PCDHA2: variants seen among roughly 807,000 people sequenced by gnomAD.
PCDHA2 encodes protocadherin alpha 2.
A neutral mutation model predicts 66.0 loss-of-function variants in PCDHA2; 58 were observed. That is an observed-to-expected ratio of 0.88 (90% CI 0.71 to 1.09). PCDHA2 has a LOEUF of 1.09. Among genes scored for constraint, PCDHA2 ranks in the 50% least tolerant of loss-of-function variants. The probability of loss-of-function intolerance (pLI) is 0.00; values close to 1 mark genes in which losing one functional copy is unlikely to be tolerated. For synonymous variants in PCDHA2, 634 were observed against 554.0 expected, an observed-to-expected ratio of 1.14 and a Z score of -2.03; for missense variants, 1,267 against 1,242.3, an observed-to-expected ratio of 1.02 and a Z score of -0.30.
chr5:140,934,236 T>C (rs532427064), intron 1 of PCDHA2, among the ~76,000 whole-genome samples: 1 of 152,290 alleles, frequency 6.6e-6, no homozygotes, highest in South Asian at 2.1e-4. Context: ...TTGTACTTAA[T>C]TGTGGAGATT....
chr5:140,966,410 A>G lies in PCDHA2; in HGVS notation c.2389-12539A>G, dbSNP rs530944149. The G allele has an allele frequency of 1.9e-3, 807 of 419,248 alleles. 2 individuals carry two copies. Among genetic ancestry groups the G allele is most frequent in the South Asian group, 7.3e-3 (70 of 9,536 alleles). The allele number at this position is 419,248 out of a possible 1,614,324, so 26.0% of individuals were successfully genotyped here. The stretch of plus-strand genomic sequence containing the variant: ...GTCCGCCACTTCGGCGCGGAATCAG[A>G]GCAGGACTTGCTGAGCCCTCCTACC... On this transcript the variant is annotated intron_variant, in intron 1 of 3. Coordinates refer to ENST00000526136, the MANE Select transcript of PCDHA2 (RefSeq NM_018905.3).
intron 1 of PCDHA2, chr5:140,871,328 G>A (rs374687707): frequency 6.2e-7 from 1 of 1,614,128 alleles, no homozygotes; most frequent in Admixed American, 1.7e-5. Flanking sequence ...GTGTGCTCCC[G>A]CGCGGTGGGG....
chr5:140,829,246 G>T (rs2150164613), intron 1 of PCDHA2: 1 of 1,614,268 alleles, frequency 6.2e-7, no homozygotes, highest in Admixed American at 1.7e-5. Flanking sequence ...ACGGGCAGGT[G>T]AACTGCTCGC....
intron 1 of PCDHA2, chr5:140,876,201 T>C: frequency 1.9e-6 from 3 of 1,613,952 alleles, no homozygotes; most frequent in Non-Finnish European, 1.7e-6. Flanking sequence ...CGGCGTTTGA[T>C]AAGCCCAGCT....
chr5:140,807,818 G>A, intron 1 of PCDHA2: 1 of 1,614,106 alleles, frequency 6.2e-7, no homozygotes, highest in Non-Finnish European at 8.5e-7. Context: ...GATTTTTTTA[G>A]TGCTCACAGC....
chr5:140,800,458 T>A lies in PCDHA2; in HGVS notation c.2388+3106T>A, dbSNP rs138589770. ...CTGTAATAACATAAAAGTAGATATA[T>A]GTATGTTTTAATATATACAGCACAC... On this transcript the variant is annotated intron_variant, in intron 1 of 3. Coordinates refer to ENST00000526136, the MANE Select transcript of PCDHA2 (RefSeq NM_018905.3). 2.9e-4 allele frequency among the ~76,000 whole-genome samples: 44 copies of A among 152,284 alleles called. 1 individual carries two copies. In the East Asian group the frequency reaches 8.3e-3, roughly 29 times the overall value.
chr5:141,000,603 T>C (rs1237883625), intron 3 of PCDHA2, among the ~76,000 whole-genome samples: 1 of 150,986 alleles, frequency 6.6e-6, no homozygotes, highest in Admixed American at 6.6e-5. Flanking sequence ...AATTTTTGTA[T>C]TTTTAGTAGA....
intron 1 of PCDHA2, among the ~76,000 whole-genome samples, chr5:140,880,929 A>T (rs2058535682): frequency 6.6e-6 from 1 of 152,232 alleles, no homozygotes; most frequent in African/African-American, 2.4e-5. Flanking sequence ...TATGTTAGTA[A>T]AAGTAATGGA....
intron 1 of PCDHA2, chr5:140,871,553 G>T (rs1390415919): frequency 6.7e-7 from 1 of 1,491,208 alleles, no homozygotes; most frequent in East Asian, 2.5e-5. Context: ...TTAAAATCCA[G>T]TTTTTTTTCA....
intron 1 of PCDHA2, among the ~76,000 whole-genome samples, chr5:140,818,178 C>A (rs1766296902): frequency 6.6e-6 from 1 of 152,140 alleles, no homozygotes; most frequent in African/African-American, 2.4e-5. Flanking sequence ...CTCTTATATT[C>A]TTCTGTGACT....
rs139331486 is a variant in PCDHA2, at chr5:140,836,143, C to A, written c.2388+38791C>A. 1,039 of 1,613,760 alleles carry A rather than the reference C, an allele frequency of 6.4e-4. 8 individuals carry two copies. The highest frequency in any genetic ancestry group is 1.2e-3 in the South Asian group (112 of 91,068). ...GAGCTTGTGCCGCGGTCTGTGGGCG[C>A]GGGCCATGTGGTGGCGAAGGTACGT... On this transcript the variant is annotated intron_variant, in intron 1 of 3. Coordinates refer to ENST00000526136, the MANE Select transcript of PCDHA2 (RefSeq NM_018905.3).
At chr5:140,850,316 T>G in intron 1 of PCDHA2, 1 of 1,597,142 alleles carries the variant, frequency 6.3e-7, no homozygotes, top group Non-Finnish European at 8.6e-7. Context: ...ACGCGTGGCT[T>G]TCATACGAGC....
intron 1 of PCDHA2, among the ~76,000 whole-genome samples, chr5:140,974,827 G>A (rs1356890991): frequency 6.6e-6 from 1 of 152,182 alleles, no homozygotes; most frequent in Admixed American, 6.5e-5. Flanking sequence ...GCAACATAAT[G>A]ATTATTTTAA....
chr5:140,848,591 C>A lies in PCDHA2; in HGVS notation c.2388+51239C>A. 1.9e-6 allele frequency: 3 copies of A among 1,594,690 alleles called. 1 individual carries two copies. Among genetic ancestry groups the A allele is most frequent in the Non-Finnish European group, 2.6e-6 (3 of 1,164,772 alleles). On this transcript the variant is annotated intron_variant, in intron 1 of 3. Coordinates refer to ENST00000526136, the MANE Select transcript of PCDHA2 (RefSeq NM_018905.3). ...GGGTGGTGGGGAGCGGCCAGCTCCACTACTCCGTCCCGGAGGAAGCCGAAC... is the reference window on the plus strand; with the variant it reads ...GGGTGGTGGGGAGCGGCCAGCTCCAATACTCCGTCCCGGAGGAAGCCGAAC...
intron 1 of PCDHA2, chr5:140,828,525 C>A (rs2150156420): frequency 1.9e-6 from 3 of 1,614,244 alleles, no homozygotes; most frequent in East Asian, 4.5e-5. Context: ...ATTTACGAAT[C>A]TAGGCTGCCA....
intron 1 of PCDHA2, chr5:140,829,968 T>G (rs1770719339): frequency 6.2e-7 from 1 of 1,613,838 alleles, no homozygotes; most frequent in Admixed American, 1.7e-5. Context: ...CGCGTGGGGC[T>G]GTACACGGGC....
At chr5:140,850,835 T>C in intron 1 of PCDHA2, 5 of 1,597,984 alleles carry the variant, frequency 3.1e-6, no homozygotes, top group Non-Finnish European at 4.3e-6. Flanking sequence ...CTCCTTGTGC[T>C]GGATCTACAG....
At chr5:140,799,153 T>C (rs1762397667) in intron 1 of PCDHA2, among the ~76,000 whole-genome samples, 1 of 152,126 alleles carries the variant, frequency 6.6e-6, no homozygotes, top group Admixed American at 6.5e-5. Flanking sequence ...GACATCTAGG[T>C]GGTAGTAGAA....
At chr5:140,937,085 T>G (rs1386368270) in intron 1 of PCDHA2, among the ~76,000 whole-genome samples, 2 of 150,536 alleles carry the variant, frequency 1.3e-5, no homozygotes, top group African/African-American at 4.9e-5. Context: ...TCGCCCAGGC[T>G]GGAGTGCAGT....
Sources: gnomAD v4.1 joint callset for allele counts (sites outside exome capture counted in the v4.1 genomes callset) on GRCh38, gnomAD v4.1.1 for gene constraint, MANE v1.5 for transcripts, NCBI Gene and HGNC (gene_info 2026-07-23, HGNC 2026-07-21) for gene names.